GLE1: variants seen among roughly 807,000 people sequenced by gnomAD.
GLE1 encodes mRNA export factor GLE1.
GLE1 carries 78 observed loss-of-function variants against 97.3 expected under a neutral mutation model. The observed-to-expected ratio is 0.80, with a 90% confidence interval of 0.67 to 0.97. GLE1 has a LOEUF of 0.97. GLE1 is among the 50% of genes least tolerant of loss of function. The pLI is 0.00. For missense variants in GLE1, 753 were observed against 857.5 expected, an observed-to-expected ratio of 0.88 and a Z score of 1.52; for synonymous variants, 302 against 313.4, an observed-to-expected ratio of 0.96 and a Z score of 0.39.
intron 2 of GLE1, among the ~76,000 whole-genome samples, chr9:128,510,039 C>T (rs1473352378): frequency 2.0e-5 from 3 of 151,974 alleles, no homozygotes; most frequent in Admixed American, 6.6e-5. Flanking sequence ...TACAAATATA[C>T]GTGAACATGT....
Position 128,508,917 on chromosome 9 carries a change from T to C in GLE1, c.141T>C (p.Ser47=). The change falls in exon 2 of 16, where the codon TCT becomes TCC. Residue 47 remains serine (S), a synonymous_variant. Transcript: ENST00000309971. ...EECMSLPKLS[S]YSGWVVEHVL... Reference sequence around the variant, plus strand: ...GTATGTCTCTTCCCAAGCTATCTTCTTATTCTGGATGGGTGGTAGAGCACG... The same window carrying C: ...GTATGTCTCTTCCCAAGCTATCTTCCTATTCTGGATGGGTGGTAGAGCACG... The C allele has an allele frequency of 6.2e-7, 1 of 1,611,442 alleles. No homozygotes were observed. The highest frequency in any genetic ancestry group is 8.5e-7 in the Non-Finnish European group (1 of 1,177,530).
intron 1 of GLE1, among the ~76,000 whole-genome samples, chr9:128,506,269 C>T (rs931694977): frequency 2.6e-5 from 4 of 152,064 alleles, no homozygotes; most frequent in African/African-American, 7.3e-5. Flanking sequence ...TGCTTGAACC[C>T]TGGAAGCAGA....
At chr9:128,516,929 AT>A (rs200090822) in intron 3 of GLE1, among the ~76,000 whole-genome samples, 1 of 150,896 alleles carries the variant, frequency 6.6e-6, no homozygotes, top group Non-Finnish European at 1.5e-5. Flanking sequence ...CCCAGCATGT[AT>A]TTTTTTTTAA....
intron 2 of GLE1, among the ~76,000 whole-genome samples, chr9:128,514,874 T>A (rs954049843): frequency 3.3e-5 from 5 of 151,818 alleles, no homozygotes; most frequent in African/African-American, 1.2e-4. Flanking sequence ...TGGAGTGCAG[T>A]GGCGCGATCT....
rs748454529 is a variant in GLE1 at position 128,515,598 on chromosome 9, T to G, written c.391T>G (p.Cys131Gly). The G allele has an allele frequency of 5.6e-6, 9 of 1,605,756 alleles. No homozygotes were observed. In the South Asian group the frequency reaches 6.6e-5, roughly 12 times the overall value. Residue 131 changes from cysteine to glycine, a missense_variant, in exon 3 of 16, where the codon TGC (cysteine) becomes GGC (glycine). By Grantham distance (159) the Cys-to-Gly change is radical. Coordinates refer to ENST00000309971, the MANE Select transcript of GLE1 (RefSeq NM_001003722.2). ...CTCACGGGGGATCAAAGTGGAAGGC[T>G]GCGTCCGAATGTACGAACTGGTACA... is the stretch of plus-strand genomic sequence containing the variant. ...QSSRGIKVEG[C>G]VRMYELVHRM... is the part of the protein sequence containing the mutation.
intron 9 of GLE1, chr9:128,529,009 CAT>C (rs1353173892): frequency 1.3e-5 from 2 of 152,172 alleles, no homozygotes; most frequent in Admixed American, 6.6e-5. Flanking sequence ...GCCTGGAAAG[CAT>C]AGGAAAATTT....
intron 2 of GLE1, among the ~76,000 whole-genome samples, chr9:128,513,708 C>CAA (rs374811299): frequency 2.6e-5 from 3 of 115,244 alleles, no homozygotes; most frequent in Admixed American, 9.3e-5. Context: ...GACCCTGTCT[C>CAA]AAAAAAAAAA....
At chr9:128,516,406 G>A (rs568859889) in intron 3 of GLE1, among the ~76,000 whole-genome samples, 28 of 152,044 alleles carry the variant, frequency 1.8e-4, no homozygotes, top group South Asian at 1.2e-3. Context: ...CGCAAGCTCC[G>A]CCTCCCAGGT....
At position 128,533,769 on chromosome 9, in the gene GLE1, C is replaced by G. The variant is rs547884411; in HGVS notation, c.1464C>G (p.Gly488=). The G allele has an allele frequency of 6.2e-7, 1 of 1,613,990 alleles. No individual in the cohort carries two copies. The highest frequency in any genetic ancestry group is 2.2e-5 in the East Asian group (1 of 44,884). Residue 488 remains glycine (G), a synonymous_variant, in exon 11 of 16, where the codon GGC becomes GGG. Coordinates refer to ENST00000309971, the MANE Select transcript of GLE1 (RefSeq NM_001003722.2). ...CACCTCTATGTTCTCAGAAACAAGGCGAGGAGGAAGTGGCCTCTCACCATG... is the reference window on the plus strand; with the variant it reads ...CACCTCTATGTTCTCAGAAACAAGGGGAGGAGGAAGTGGCCTCTCACCATG... ...YKLAEKFVKQ[G]EEEVASHHEA... is the part of the protein sequence containing the mutation.
rs1261984136 is a variant in GLE1 at position 128,541,225 on chromosome 9, C to A, written c.*55C>A. 7 of 950,458 alleles carry A rather than the reference C, an allele frequency of 7.4e-6. No homozygotes were observed. Among genetic ancestry groups the A allele is most frequent in the African/African-American group, 4.8e-5 (3 of 62,530 alleles). The allele number at this position is 950,458 out of a possible 1,614,324, so 58.9% of individuals were successfully genotyped here. On this transcript the variant is annotated 3_prime_UTR_variant, in exon 16 of 16. Coordinates refer to ENST00000309971, the MANE Select transcript of GLE1 (RefSeq NM_001003722.2). Reference sequence around the variant, plus strand: ...CTGCAAAGAGGCAATAATAAAGGAACTGAAGACAGCTGTATTTGGGAGAAG... The same window carrying A: ...CTGCAAAGAGGCAATAATAAAGGAAATGAAGACAGCTGTATTTGGGAGAAG...
chr9:128,507,144 A>G (rs922091247), intron 1 of GLE1, among the ~76,000 whole-genome samples: 2 of 152,186 alleles, frequency 1.3e-5, no homozygotes, highest in Non-Finnish European at 2.9e-5. Context: ...GGTACTAGAT[A>G]TGCTCATTAT....
chr9:128,526,586 C>T (rs1158952091), intron 7 of GLE1, among the ~76,000 whole-genome samples: 2 of 151,902 alleles, frequency 1.3e-5, no homozygotes, highest in Non-Finnish European at 2.9e-5. Context: ...TTCGAACTCC[C>T]GACCTCAGGT....
chr9:128,520,282 GTATATATATGTGTATATA>G (rs1215336328), intron 3 of GLE1, among the ~76,000 whole-genome samples: 4 of 149,584 alleles, frequency 2.7e-5, no homozygotes, highest in Admixed American at 2.0e-4. Flanking sequence ...ATATATGTGT[GTATATATATGTGTATATA>G]TGTATATATG....
At chr9:128,517,093 T>C (rs1847010917) in intron 3 of GLE1, among the ~76,000 whole-genome samples, 1 of 151,644 alleles carries the variant, frequency 6.6e-6, no homozygotes. Flanking sequence ...AGTTCCAGAC[T>C]GGCCTGGCCA....
chr9:128,534,087 G>T (rs1847617056), intron 11 of GLE1, 136 bp downstream of exon 11: 1 of 739,288 alleles, frequency 1.4e-6, no homozygotes, highest in East Asian at 2.7e-5. Context: ...ATGTCTTTCG[G>T]CCGGGTGCAG....
intron 9 of GLE1, 23 bp downstream of exon 9, chr9:128,527,548 A>G: frequency 7.3e-7 from 1 of 1,375,508 alleles, no homozygotes; most frequent in Admixed American, 1.7e-5. Flanking sequence ...GGTTGAGAAC[A>G]TGACCTTTCA....
intron 3 of GLE1, among the ~76,000 whole-genome samples, chr9:128,517,833 G>A (rs1448647397): frequency 6.6e-6 from 1 of 151,788 alleles, no homozygotes; most frequent in Admixed American, 6.6e-5. Flanking sequence ...CTTTTTCAGA[G>A]CATCTTATTC....
intron 9 of GLE1, among the ~76,000 whole-genome samples, chr9:128,529,687 C>CCT (rs371665128): frequency 4.0e-5 from 6 of 151,128 alleles, no homozygotes; most frequent in African/African-American, 1.2e-4. Context: ...ACTACCCTTT[C>CCT]CTCTCTCTCT....
At chr9:128,535,282 C>G (rs1335100680) in intron 11 of GLE1, among the ~76,000 whole-genome samples, 4 of 151,166 alleles carry the variant, frequency 2.6e-5, no homozygotes, top group African/African-American at 9.7e-5. Flanking sequence ...GAAGCCAAGG[C>G]CGCCAAAGCG....
Sources: allele counts gnomAD v4.1 joint callset (sites outside exome capture counted in the v4.1 genomes callset), GRCh38; gene constraint gnomAD v4.1.1; transcripts MANE v1.5; gene names NCBI Gene and HGNC (gene_info 2026-07-23, HGNC 2026-07-21).